Variants in PARD3 observed in about 807,000 individuals in gnomAD.
The protein encoded by PARD3 is par-3 family cell polarity regulator.
Under a neutral mutation model 155.4 loss-of-function variants are expected in PARD3, and 75 were observed. The observed-to-expected ratio is 0.48, with a 90% confidence interval of 0.40 to 0.58. The LOEUF (loss-of-function observed/expected upper bound fraction) is 0.58. PARD3 is among the 20% of genes least tolerant of loss of function. The pLI is 0.00. For synonymous variants in PARD3, 576 were observed against 610.5 expected, an observed-to-expected ratio of 0.94 and a Z score of 0.83; for missense variants, 1,642 against 1,721.7, an observed-to-expected ratio of 0.95 and a Z score of 0.82.
At chr10:34,215,201 G>A (rs1951945407) in intron 22 of PARD3, among the ~76,000 whole-genome samples, 1 of 152,184 alleles carries the variant, frequency 6.6e-6, no homozygotes, top group African/African-American at 2.4e-5. Flanking sequence ...AAGGCTTATT[G>A]AGGACAGTAC....
intron 2 of PARD3, among the ~76,000 whole-genome samples, chr10:34,636,361 C>T (rs773595132): frequency 3.3e-5 from 5 of 152,200 alleles, no homozygotes; most frequent in Non-Finnish European, 2.9e-5. Flanking sequence ...CATCCGGGCT[C>T]GGGGCTAACA....
chr10:34,153,959 C>T (rs996641515), intron 22 of PARD3, among the ~76,000 whole-genome samples: 2 of 152,126 alleles, frequency 1.3e-5, no homozygotes, highest in Non-Finnish European at 2.9e-5. Context: ...CTCACTCCGG[C>T]CTTTTAGAAT....
At chr10:34,759,658 G>A (rs186571163) in intron 1 of PARD3, among the ~76,000 whole-genome samples, 4 of 152,306 alleles carry the variant, frequency 2.6e-5, no homozygotes, top group East Asian at 1.9e-4. Flanking sequence ...ACAGCACATC[G>A]CCTAAGGCCA....
rs550703676 is a variant in PARD3, at chr10:34,585,702, G to A, written c.223-68543C>T. On this transcript the variant is annotated intron_variant, in intron 2 of 24. Coordinates refer to ENST00000374788, the MANE Select transcript of PARD3 (RefSeq NM_001184785.2). The stretch of plus-strand genomic sequence containing the variant: ...CTCTGTCTGCACTGCTTATAGTCTT[G>A]AAGGCTTCTGCCTTTTGTAAAATCC... 5.9e-5 allele frequency among the ~76,000 whole-genome samples: 9 copies of A among 152,086 alleles called. No individual in the cohort carries two copies. In the South Asian group the frequency reaches 1.9e-3, roughly 32 times the overall value.
At chr10:34,709,558 GC>G (rs1317979528) in intron 1 of PARD3, among the ~76,000 whole-genome samples, 1 of 152,068 alleles carries the variant, frequency 6.6e-6, no homozygotes, top group Non-Finnish European at 1.5e-5. Context: ...GGTGGTGGAG[GC>G]GGGGGCCACA....
intron 22 of PARD3, among the ~76,000 whole-genome samples, chr10:34,228,227 A>C (rs60968788): frequency 6.6e-6 from 1 of 151,838 alleles, no homozygotes; most frequent in Non-Finnish European, 1.5e-5. Context: ...CATGGACACA[A>C]AGAGGGAACA....
At chr10:34,144,097 G>A (rs1406685080) in intron 22 of PARD3, among the ~76,000 whole-genome samples, 1 of 151,990 alleles carries the variant, frequency 6.6e-6, no homozygotes, top group African/African-American at 2.4e-5. Flanking sequence ...TGACCATATT[G>A]GTTTGGAGTT....
intron 14 of PARD3, among the ~76,000 whole-genome samples, chr10:34,353,803 A>T (rs929902646): frequency 9.2e-5 from 14 of 151,750 alleles, no homozygotes; most frequent in African/African-American, 3.4e-4. Flanking sequence ...AGTGAAAACA[A>T]TTTTTCTCTT....
At chr10:34,661,870 A>T (rs186206757) in intron 2 of PARD3, among the ~76,000 whole-genome samples, 69 of 152,318 alleles carry the variant, frequency 4.5e-4, no homozygotes, top group Middle Eastern at 3.4e-3. Flanking sequence ...TATCCAATCA[A>T]TGTTAGATAA....
At position 34,317,380 on chromosome 10, in the gene PARD3, C is replaced by T. The variant is rs201203062; in HGVS notation, c.2834-42G>A. ...AAAAAATAGGGACACAGTGAACCAA[C>T]GCAACAAAAATAATAAAGCTAAAAT... On this transcript the variant is annotated intron_variant, in intron 19 of 24. Coordinates refer to ENST00000374788, the MANE Select transcript of PARD3 (RefSeq NM_001184785.2). 8.1e-4 allele frequency: 1,254 copies of T among 1,556,298 alleles called. 2 individuals carry two copies. Among genetic ancestry groups the T allele is most frequent in the Non-Finnish European group, 9.3e-4 (1,078 of 1,159,196 alleles).
intron 2 of PARD3, among the ~76,000 whole-genome samples, chr10:34,542,673 T>C (rs566021280): frequency 6.6e-6 from 1 of 152,344 alleles, no homozygotes; most frequent in South Asian, 2.1e-4. Flanking sequence ...AGCCTCTTAA[T>C]GGGCATTGTT....
Position 34,581,530 on chromosome 10 carries a change from G to A in PARD3, c.223-64371C>T, listed in dbSNP as rs12256158. ...ATTACAGGCGTGAGCCACCGCGCCC[G>A]GCCTATTTAGGTTATTTTTCAAAGA... On this transcript the variant is annotated intron_variant, in intron 2 of 24. Coordinates refer to ENST00000374788, the MANE Select transcript of PARD3 (RefSeq NM_001184785.2). Among the ~76,000 whole-genome samples the A allele has an allele frequency of 9.2e-3, 1,394 of 152,082 alleles. 14 individuals carry two copies. Among genetic ancestry groups the A allele is most frequent in the African/African-American group, 0.032 (1,317 of 41,482 alleles).
chr10:34,122,655 C>G lies in PARD3; in HGVS notation c.3541-2915G>C, dbSNP rs1001026790. On this transcript the variant is annotated intron_variant, in intron 23 of 24. Coordinates refer to ENST00000374788, the MANE Select transcript of PARD3 (RefSeq NM_001184785.2). ...AATCACTCTTACCTTTAAGATAAAA[C>G]CCTCTAACAGGTCACATATTTCAAG... 2.6e-5 allele frequency among the ~76,000 whole-genome samples: 4 copies of G among 152,184 alleles called. No individual in the cohort carries two copies. The South Asian group carries it at 6.2e-4, about 24-fold the overall frequency.
At chr10:34,246,384 C>T (rs1030531464) in intron 22 of PARD3, among the ~76,000 whole-genome samples, 1 of 152,084 alleles carries the variant, frequency 6.6e-6, no homozygotes, top group Non-Finnish European at 1.5e-5. Flanking sequence ...GACTGTAACC[C>T]CTGAGAAAAG....
chr10:34,556,543 C>A (rs558346593), intron 2 of PARD3, among the ~76,000 whole-genome samples: 1 of 151,954 alleles, frequency 6.6e-6, no homozygotes, highest in African/African-American at 2.4e-5. Flanking sequence ...CCACCACGCC[C>A]GGCTAATTTT....
In PARD3 at chr10:34,448,837, T is replaced by A. The variant is rs116183753; in HGVS notation, c.714+1480A>T. On this transcript the variant is annotated intron_variant, in intron 5 of 24. Coordinates refer to ENST00000374788, the MANE Select transcript of PARD3 (RefSeq NM_001184785.2). ...TTAAATTAAATTAAATTTTAAAAAA[T>A]TTGCCAACAGAATAGATCTCAAGTG... is the stretch of plus-strand genomic sequence containing the variant. 1.3e-3 allele frequency among the ~76,000 whole-genome samples: 201 copies of A among 151,724 alleles called. 1 individual carries two copies. Among genetic ancestry groups the A allele is most frequent in the African/African-American group, 4.5e-3 (186 of 41,374 alleles).
intron 1 of PARD3, among the ~76,000 whole-genome samples, chr10:34,750,521 T>C (rs1035674840): frequency 5.3e-4 from 78 of 148,414 alleles, no homozygotes; most frequent in Middle Eastern, 7.0e-3. Flanking sequence ...CCTAAGACTA[T>C]AGAGGACAGG....
At chr10:34,615,507 T>G (rs1045253536) in intron 2 of PARD3, among the ~76,000 whole-genome samples, 1 of 152,150 alleles carries the variant, frequency 6.6e-6, no homozygotes, top group African/African-American at 2.4e-5. Flanking sequence ...CTGAAACTAC[T>G]ACAAACAAAC....
chr10:34,444,327 G>T (rs1284265672), intron 5 of PARD3, among the ~76,000 whole-genome samples: 1 of 152,114 alleles, frequency 6.6e-6, no homozygotes, highest in Non-Finnish European at 1.5e-5. Context: ...CCTCTTCTGT[G>T]GAATTTATTA....
Sources: allele counts gnomAD v4.1 joint callset (sites outside exome capture counted in the v4.1 genomes callset), GRCh38; gene constraint gnomAD v4.1.1; transcripts MANE v1.5; gene names NCBI Gene and HGNC (gene_info 2026-07-23, HGNC 2026-07-21).